CCND3: variants seen among roughly 807,000 people sequenced by gnomAD.
CCND3 encodes the protein cyclin D3, also known as G1/S-specific cyclin-D3.
A neutral mutation model predicts 28.7 loss-of-function variants in CCND3; 9 were observed. The ratio of observed to expected loss-of-function variants is 0.31; its 90% CI spans 0.19 to 0.55. The LOEUF (loss-of-function observed/expected upper bound fraction) is 0.55, where lower values mean the gene tolerates loss of function less well. Ranked by LOEUF, CCND3 falls within the 20% of genes least tolerant of loss-of-function variation. CCND3 has a pLI of 0.93. For missense variants in CCND3, 315 were observed against 385.8 expected (o/e 0.82, Z 1.54); for synonymous variants, 164 against 163.9 (o/e 1.00, Z 0.00).
chr6:42,016,462 T>C (rs563441861), intron 1 of CCND3, among the ~76,000 whole-genome samples: 57 of 152,274 alleles, frequency 3.7e-4, no homozygotes, highest in South Asian at 2.1e-3. Flanking sequence ...CTCTACAACA[T>C]GGGATAATAA....
chr6:42,040,099 C>A (rs1461435200), intron 1 of CCND3, among the ~76,000 whole-genome samples: 1 of 152,232 alleles, frequency 6.6e-6, no homozygotes, highest in African/African-American at 2.4e-5. Context: ...TGTGCACACA[C>A]ACGTGTGTGG....
chr6:41,935,954 C>G lies in CCND3; in HGVS notation c.865G>C (p.Ala289Pro), dbSNP rs2127389236. The G allele has an allele frequency of 6.2e-7, 1 of 1,611,548 alleles. No individual in the cohort carries two copies. The highest frequency in any genetic ancestry group is 8.5e-7 in the Non-Finnish European group (1 of 1,179,042). ...CCTCTCCAGGGCTACAGGTGTATGGCTGTGACATCTGTAGGAGTGCTGGTC... is the reference window on the plus strand; with the variant it reads ...CCTCTCCAGGGCTACAGGTGTATGGGTGTGACATCTGTAGGAGTGCTGGTC... ...SQTSTPTDVTAIHL is the reference protein window; with the variant it reads ...SQTSTPTDVTPIHL Residue 289 changes from alanine (A) to proline (P), a missense_variant, in exon 5 of 5, where the codon GCC (alanine) becomes CCC (proline). Transcript: ENST00000372991.
intron 1 of CCND3, among the ~76,000 whole-genome samples, chr6:42,031,080 C>T (rs1764028340): frequency 6.6e-6 from 1 of 152,084 alleles, no homozygotes; most frequent in African/African-American, 2.4e-5. Flanking sequence ...ATCCAGACTC[C>T]ACCTCCTCCT....
At chr6:42,020,778 T>C (rs759351896) in intron 1 of CCND3, among the ~76,000 whole-genome samples, 85 of 152,102 alleles carry the variant, frequency 5.6e-4, no homozygotes, top group Admixed American at 3.9e-4. Context: ...TGAGACGGAG[T>C]TTCGCTCTTA....
chr6:42,001,737 G>A (rs561436819), intron 1 of CCND3, among the ~76,000 whole-genome samples: 28 of 152,188 alleles, frequency 1.8e-4, no homozygotes, highest in East Asian at 5.8e-4. Context: ...GGGGCGGAGT[G>A]TGCCTGAAAC....
At chr6:41,994,434 A>G (rs1762738257) in intron 1 of CCND3, among the ~76,000 whole-genome samples, 1 of 152,134 alleles carries the variant, frequency 6.6e-6, no homozygotes, top group Admixed American at 6.6e-5. Context: ...CTATGGAGGG[A>G]GCAAAAAGAC....
intron 1 of CCND3, among the ~76,000 whole-genome samples, chr6:41,994,679 T>A (rs951598349): frequency 6.6e-6 from 1 of 152,060 alleles, no homozygotes; most frequent in African/African-American, 2.4e-5. Context: ...GGGTGCAGGG[T>A]GTCAATAGTG....
At chr6:42,047,264 T>G (rs905692312) in intron 1 of CCND3, among the ~76,000 whole-genome samples, 2 of 152,204 alleles carry the variant, frequency 1.3e-5, no homozygotes, top group African/African-American at 2.4e-5. Context: ...AAACTCTGAT[T>G]TGATTACCAT....
chr6:41,988,968 G>A (rs1762573816), intron 1 of CCND3, among the ~76,000 whole-genome samples: 1 of 151,698 alleles, frequency 6.6e-6, no homozygotes, highest in South Asian at 2.1e-4. Flanking sequence ...CAAAGTGCTG[G>A]GATTACAGGC....
intron 1 of CCND3, among the ~76,000 whole-genome samples, chr6:41,956,732 A>C (rs1409371566): frequency 6.6e-6 from 1 of 152,078 alleles, no homozygotes; most frequent in African/African-American, 2.4e-5. Context: ...AATTGTTGTA[A>C]TATAAAACAA....
intron 1 of CCND3, among the ~76,000 whole-genome samples, chr6:41,989,847 C>CT: frequency 6.6e-6 from 1 of 152,278 alleles, no homozygotes; most frequent in East Asian, 1.9e-4. Context: ...GAACTGAAAA[C>CT]TTACGTGCAC....
At chr6:41,976,705 A>G (rs992308069) in intron 1 of CCND3, among the ~76,000 whole-genome samples, 1 of 152,142 alleles carries the variant, frequency 6.6e-6, no homozygotes. Flanking sequence ...CTCCCATTTT[A>G]TATATGAAGA....
At chr6:42,047,037 A>G (rs1025367088) in intron 1 of CCND3, among the ~76,000 whole-genome samples, 1 of 152,202 alleles carries the variant, frequency 6.6e-6, no homozygotes, top group African/African-American at 2.4e-5. Flanking sequence ...TCATAGGACT[A>G]TATTAGGAGG....
Position 41,941,565 on chromosome 6 carries a change from G to T in CCND3, c.85C>A (p.Gln29Lys). ...PRLLGDQRVL[Q>K]SLLRLEERYV... The stretch of plus-strand genomic sequence containing the variant: ...CGCTCCTCCAGGCGGAGCAGGCTCT[G>T]CAGGACACGCTGGTCCCCCAGCAGC... The change falls in exon 1 of 5, where the codon CAG (glutamine) becomes AAG (lysine). Residue 29 changes from glutamine (Q) to lysine (K), a missense_variant. Physicochemically the swap from Gln to Lys is moderately conservative, Grantham distance 53. Coordinates refer to ENST00000372991, the MANE Select transcript of CCND3 (RefSeq NM_001760.5). The surrounding 1 kb of genome is among the most constrained non-coding windows in gnomAD (Gnocchi z 6.1). 1 of 1,579,320 alleles carries T rather than the reference G, an allele frequency of 6.3e-7. No individual in the cohort carries two copies. The highest frequency in any genetic ancestry group is 1.2e-5 in the South Asian group (1 of 86,878).
chr6:42,037,115 A>AT (rs1459191042), intron 1 of CCND3, among the ~76,000 whole-genome samples: 2 of 149,914 alleles, frequency 1.3e-5, no homozygotes, highest in Non-Finnish European at 3.0e-5. Context: ...ATTTTTCTGT[A>AT]TTTTTCAGTA....
intron 1 of CCND3, among the ~76,000 whole-genome samples, chr6:41,984,010 A>G (rs1490463415): frequency 1.3e-5 from 2 of 152,120 alleles, no homozygotes; most frequent in African/African-American, 2.4e-5. Context: ...CAAGAGTTTG[A>G]CTTTTTAAAA....
In CCND3 at chr6:41,940,484, C is replaced by T. The variant is rs2127393808; in HGVS notation, c.300G>A (p.Gln100=). Residue 100 remains glutamine (Q), a synonymous_variant, in exon 2 of 5, where the codon CAG becomes CAA. Coordinates refer to ENST00000372991, the MANE Select transcript of CCND3 (RefSeq NM_001760.5). ...GCAGCATGCAGACCGCACCCAGGAG[C>T]TGCAACTGCGCCTTTCGGGTGGGGA... ...SCVPTRKAQL[Q]LLGAVCMLLA... 6.2e-7 allele frequency: 1 copy of T among 1,614,124 alleles called. No homozygotes were observed. Among genetic ancestry groups the T allele is most frequent in the Non-Finnish European group, 8.5e-7 (1 of 1,180,010 alleles).
chr6:42,044,783 T>TTTATTTATTTA (rs144260165), intron 1 of CCND3, among the ~76,000 whole-genome samples: 10 of 143,134 alleles, frequency 7.0e-5, no homozygotes, highest in African/African-American at 2.1e-4. Flanking sequence ...CTTTCTTTCC[T>TTTATTTATTTA]TTTATTTATT....
At position 41,982,927 on chromosome 6, in the gene CCND3, C is replaced by T. The variant is rs115685054; in HGVS notation, c.-45-42342G>A. ...AGAATCTAGATACAGATCTTATGCT[C>T]TTCACTAAGGTCAACTAAAAATGGA... On this transcript the variant is annotated intron_variant, in intron 1 of 4. Transcript: ENST00000372988. Among the ~76,000 whole-genome samples the T allele has an allele frequency of 5.6e-3, 843 of 149,780 alleles. 9 individuals carry two copies. The highest frequency in any genetic ancestry group is 0.019 in the African/African-American group (795 of 40,876).
Sources: allele counts gnomAD v4.1 joint callset (sites outside exome capture counted in the v4.1 genomes callset), GRCh38; gene constraint gnomAD v4.1.1; non-coding constraint Gnocchi (gnomAD v3.1); transcripts MANE v1.5; gene names NCBI Gene and HGNC (gene_info 2026-07-23, HGNC 2026-07-21).